The following CACNA2D3 variants were observed in gnomAD, a reference collection of about 807,000 sequenced individuals.
CACNA2D3 encodes the protein voltage-dependent calcium channel subunit alpha-2/delta-3.
In CACNA2D3, 60 loss-of-function variants were observed where a neutral mutation model predicts 160.6. That is an observed-to-expected ratio of 0.37 (90% CI 0.30 to 0.46). The LOEUF is 0.46. Ranked by LOEUF, CACNA2D3 falls within the 20% of genes least tolerant of loss-of-function variation. CACNA2D3 has a pLI of 1.00. For synonymous variants in CACNA2D3, 558 were observed against 492.9 expected, an observed-to-expected ratio of 1.13 and a Z score of -1.75; for missense variants, 1,205 against 1,365.0, an observed-to-expected ratio of 0.88 and a Z score of 1.85.
At chr3:54,855,553 G>T (rs968505660) in intron 17 of CACNA2D3, among the ~76,000 whole-genome samples, 1 of 152,028 alleles carries the variant, frequency 6.6e-6, no homozygotes, top group African/African-American at 2.4e-5. Context: ...AGGAAAGAAA[G>T]AGAGAAAGAA....
At chr3:54,342,584 C>T (rs1698377791) in intron 3 of CACNA2D3, among the ~76,000 whole-genome samples, 1 of 152,114 alleles carries the variant, frequency 6.6e-6, no homozygotes, top group South Asian at 2.1e-4. Flanking sequence ...GAAGCTGATG[C>T]TTCAGAGCTT....
intron 27 of CACNA2D3, among the ~76,000 whole-genome samples, chr3:54,951,019 C>G (rs1355027510): frequency 1.3e-5 from 2 of 152,130 alleles, no homozygotes; most frequent in Non-Finnish European, 2.9e-5. Context: ...TGTAATATTC[C>G]CTTTACTATC....
chr3:54,909,854 A>C (rs1443153802), intron 27 of CACNA2D3, among the ~76,000 whole-genome samples: 4 of 152,184 alleles, frequency 2.6e-5, no homozygotes, highest in South Asian at 4.2e-4. Flanking sequence ...AGCGTGGTGA[A>C]GAAGACAATT....
intron 22 of CACNA2D3, 34 bp downstream of exon 22, chr3:54,885,360 A>G: frequency 6.2e-7 from 1 of 1,612,442 alleles, no homozygotes; most frequent in Admixed American, 1.7e-5. Flanking sequence ...TGACCATGGC[A>G]TCCTTCATTG....
rs1434471409 is a variant in CACNA2D3, at chr3:54,642,926, CAAAA to C, written c.1167+686_1167+689del. Among the ~76,000 whole-genome samples, 3 of 152,126 alleles carry C rather than the reference CAAAA, an allele frequency of 2.0e-5. No homozygotes were observed. The East Asian group carries it at 5.8e-4, about 29-fold the overall frequency. On this transcript the variant is annotated intron_variant, in intron 11 of 37. Coordinates refer to ENST00000474759, the MANE Select transcript of CACNA2D3 (RefSeq NM_018398.3). ...GTATCCTACCCCACCCCTCCAGCAG[CAAAA>C]TCTCTGGGGATGTGGTTCAGTAATC...
intron 11 of CACNA2D3, among the ~76,000 whole-genome samples, chr3:54,720,909 T>G (rs1476852995): frequency 6.6e-6 from 1 of 152,154 alleles, no homozygotes; most frequent in Non-Finnish European, 1.5e-5. Flanking sequence ...GGACAAGATA[T>G]ACTAAAAAAT....
At chr3:54,996,388 G>A (rs1166030367) in intron 31 of CACNA2D3, among the ~76,000 whole-genome samples, 1 of 152,212 alleles carries the variant, frequency 6.6e-6, no homozygotes, top group Non-Finnish European at 1.5e-5. Context: ...TTCCATGGGA[G>A]GGGCTGCGTG....
chr3:54,436,854 G>A (rs1054896443), intron 4 of CACNA2D3, among the ~76,000 whole-genome samples: 4 of 152,130 alleles, frequency 2.6e-5, no homozygotes, highest in Non-Finnish European at 5.9e-5. Flanking sequence ...TAGATGACGG[G>A]TTGATACATG....
chr3:54,560,649 C>T (rs1702309978), intron 5 of CACNA2D3, among the ~76,000 whole-genome samples: 1 of 152,170 alleles, frequency 6.6e-6, no homozygotes, highest in Non-Finnish European at 1.5e-5. Context: ...AAATATTTGC[C>T]TGTGCCTGTG....
intron 3 of CACNA2D3, among the ~76,000 whole-genome samples, chr3:54,380,122 A>C (rs1264234255): frequency 6.6e-6 from 1 of 152,234 alleles, no homozygotes; most frequent in Non-Finnish European, 1.5e-5. Flanking sequence ...ACAGTTCTTA[A>C]ATGGATGATT....
chr3:54,718,720 T>C (rs1174351429), intron 11 of CACNA2D3, among the ~76,000 whole-genome samples: 1 of 152,090 alleles, frequency 6.6e-6, no homozygotes, highest in Non-Finnish European at 1.5e-5. Context: ...AATAATCTGC[T>C]GAGACTTTGA....
intron 13 of CACNA2D3, among the ~76,000 whole-genome samples, chr3:54,802,149 C>G (rs1021632149): frequency 6.0e-4 from 92 of 152,204 alleles, no homozygotes; most frequent in African/African-American, 2.2e-3. Context: ...ACCATAATAG[C>G]AAGGGGTTAG....
intron 3 of CACNA2D3, among the ~76,000 whole-genome samples, chr3:54,363,201 A>G (rs1022872333): frequency 6.6e-6 from 1 of 152,096 alleles, no homozygotes. Flanking sequence ...CTCCAAATAT[A>G]TATATATGAG....
chr3:55,060,546 A>G (rs529815775), intron 35 of CACNA2D3, among the ~76,000 whole-genome samples: 32 of 152,188 alleles, frequency 2.1e-4, no homozygotes, highest in Non-Finnish European at 3.1e-4. Flanking sequence ...GGAGAAAATG[A>G]TATTTCTTTG....
chr3:54,891,389 G>A lies in CACNA2D3; in HGVS notation c.2185G>A (p.Gly729Ser), dbSNP rs1395948016. The change falls in exon 25 of 38, where the codon GGC (glycine) becomes AGC (serine). Residue 729 changes from glycine to serine, a missense_variant. Gly to Ser is a moderately conservative substitution (Grantham distance 56). Coordinates refer to ENST00000474759, the MANE Select transcript of CACNA2D3 (RefSeq NM_018398.3). ...CAAGGGCGTGGAGGTTGCCTTCCTC[G>A]GCACTCGCACGGGCCTCTCCAGAAT... The part of the protein sequence containing the change: ...SDKGVEVAFL[G>S]TRTGLSRINL... 1.1e-5 allele frequency: 18 copies of A among 1,613,728 alleles called. No homozygotes were observed. Among genetic ancestry groups the A allele is most frequent in the Admixed American group, 1.7e-5 (1 of 59,994 alleles).
At chr3:54,691,128 C>G (rs62257064) in intron 11 of CACNA2D3, among the ~76,000 whole-genome samples, 2,648 of 152,244 alleles carry the variant, frequency 0.017, 35 homozygotes, top group Non-Finnish European at 0.029. Flanking sequence ...GGAGAAGAGG[C>G]CTGGTTCCCA....
chr3:54,749,573 C>T (rs1048190992), intron 11 of CACNA2D3, among the ~76,000 whole-genome samples: 1 of 152,240 alleles, frequency 6.6e-6, no homozygotes, highest in Middle Eastern at 3.4e-3. Context: ...AAAAAACCTG[C>T]AAATATAAAA....
chr3:54,963,221 G>T (rs1401779615), intron 27 of CACNA2D3, among the ~76,000 whole-genome samples: 1 of 152,150 alleles, frequency 6.6e-6, no homozygotes, highest in Non-Finnish European at 1.5e-5. Flanking sequence ...TGGCAGTCCT[G>T]TCTGATCTAA....
At chr3:54,832,011 TCACACACACACACACACACACACACACA>T (rs60020847) in intron 14 of CACNA2D3, among the ~76,000 whole-genome samples, 97 of 118,952 alleles carry the variant, frequency 8.2e-4, no homozygotes, top group Middle Eastern at 8.1e-3. Flanking sequence ...CTCTTCTCTG[TCACACACACACACACACACACACACACA>T]CACACACACA....
Sources: gnomAD v4.1 joint callset for allele counts (sites outside exome capture counted in the v4.1 genomes callset) on GRCh38, gnomAD v4.1.1 for gene constraint, MANE v1.5 for transcripts, NCBI Gene and HGNC (gene_info 2026-07-23, HGNC 2026-07-21) for gene names.